CNTNAP2: variants seen among roughly 807,000 people sequenced by gnomAD.
CNTNAP2 encodes the protein contactin-associated protein-like 2.
A neutral mutation model predicts 155.2 loss-of-function variants in CNTNAP2; 98 were observed. The ratio of observed to expected loss-of-function variants is 0.63; its 90% CI spans 0.54 to 0.75. CNTNAP2 has a LOEUF of 0.75. Ranked by LOEUF, CNTNAP2 falls within the 30% of genes least tolerant of loss-of-function variation. The pLI is 0.00. For synonymous variants in CNTNAP2, 651 were observed against 631.2 expected, an observed-to-expected ratio of 1.03 and a Z score of -0.47; for missense variants, 1,727 against 1,688.1, an observed-to-expected ratio of 1.02 and a Z score of -0.40.
chr7:147,576,216 A>G lies in CNTNAP2; in HGVS notation c.1897+13959A>G, dbSNP rs147775680. 3.7e-3 allele frequency among the ~76,000 whole-genome samples: 561 copies of G among 152,198 alleles called. 1 individual carries two copies. The highest frequency in any genetic ancestry group is 0.012 in the African/African-American group (514 of 41,566). ...CCCAGCAGAGTGTCTGGTATATGTC[A>G]GCACTACTACTGCTGTGAATAGACC... On this transcript the variant is annotated intron_variant, in intron 12 of 23. Coordinates refer to ENST00000361727, the MANE Select transcript of CNTNAP2 (RefSeq NM_014141.6).
chr7:147,586,272 C>T, intron 12 of CNTNAP2, among the ~76,000 whole-genome samples: 1 of 151,838 alleles, frequency 6.6e-6, no homozygotes. Flanking sequence ...TCTTAACAGG[C>T]TTAAAGAATC....
chr7:147,348,463 TAGG>T (rs1255138374), intron 9 of CNTNAP2, among the ~76,000 whole-genome samples: 1 of 151,724 alleles, frequency 6.6e-6, no homozygotes, highest in Non-Finnish European at 1.5e-5. Flanking sequence ...GCACCGTCAG[TAGG>T]AGGCTATTAT....
chr7:148,049,804 A>G (rs1802850983), intron 15 of CNTNAP2, among the ~76,000 whole-genome samples: 1 of 152,178 alleles, frequency 6.6e-6, no homozygotes, highest in Admixed American at 6.5e-5. Flanking sequence ...TGGTTTATGT[A>G]TTTGCTATAT....
At chr7:146,976,885 G>A (rs1389626375) in intron 3 of CNTNAP2, among the ~76,000 whole-genome samples, 1 of 152,192 alleles carries the variant, frequency 6.6e-6, no homozygotes, top group Non-Finnish European at 1.5e-5. Flanking sequence ...AATGGGGCAG[G>A]ACTCCTGGAA....
intron 23 of CNTNAP2, among the ~76,000 whole-genome samples, chr7:148,413,706 T>C (rs943868846): frequency 6.6e-6 from 1 of 152,052 alleles, no homozygotes; most frequent in South Asian, 2.1e-4. Context: ...ATTGGTCTAA[T>C]TGTCCTACCA....
intron 11 of CNTNAP2, among the ~76,000 whole-genome samples, chr7:147,501,510 T>A (rs1798812102): frequency 6.6e-6 from 1 of 152,182 alleles, no homozygotes. Context: ...GACTTACAAC[T>A]TTTTCAATTT....
At chr7:147,283,065 G>T (rs764360884) in intron 8 of CNTNAP2, among the ~76,000 whole-genome samples, 1 of 151,710 alleles carries the variant, frequency 6.6e-6, no homozygotes, top group Non-Finnish European at 1.5e-5. Context: ...GACATTAATG[G>T]CATTGATAGC....
chr7:147,072,485 G>A (rs73154342), intron 4 of CNTNAP2, among the ~76,000 whole-genome samples: 6,206 of 152,264 alleles, frequency 0.041, 198 homozygotes, highest in Non-Finnish European at 0.054. Flanking sequence ...AGGTCTGAAG[G>A]CAGAAAGAGA....
intron 1 of CNTNAP2, among the ~76,000 whole-genome samples, chr7:146,166,015 T>C (rs1798307134): frequency 1.3e-5 from 2 of 152,114 alleles, no homozygotes; most frequent in Non-Finnish European, 2.9e-5. Flanking sequence ...AAATTATAGG[T>C]TTATTTTGTT....
intron 15 of CNTNAP2, chr7:148,014,201 G>C (rs111998713): frequency 6.7e-6 from 1 of 149,940 alleles, no homozygotes; most frequent in South Asian, 2.1e-4. Flanking sequence ...ACCAGCTGGC[G>C]ACCACCCAGT....
intron 1 of CNTNAP2, among the ~76,000 whole-genome samples, chr7:146,423,195 T>G (rs773758256): frequency 6.6e-6 from 1 of 152,156 alleles, no homozygotes; most frequent in Non-Finnish European, 1.5e-5. Flanking sequence ...TGTTCTCTCT[T>G]GGGAAGGAAG....
chr7:146,545,389 CG>C, intron 1 of CNTNAP2, among the ~76,000 whole-genome samples: 1 of 151,438 alleles, frequency 6.6e-6, no homozygotes. Context: ...ATGTGCAGAA[CG>C]TGCAGGTTTG....
At chr7:148,299,297 T>C (rs1211160337) in intron 21 of CNTNAP2, among the ~76,000 whole-genome samples, 3 of 152,132 alleles carry the variant, frequency 2.0e-5, no homozygotes, top group African/African-American at 7.2e-5. Flanking sequence ...GCCCCAACTT[T>C]TTAAAAATAT....
intron 1 of CNTNAP2, among the ~76,000 whole-genome samples, chr7:146,665,024 C>T (rs1269627029): frequency 1.3e-5 from 2 of 152,144 alleles, no homozygotes; most frequent in Non-Finnish European, 2.9e-5. Context: ...TGTTGGCTCA[C>T]TGCAACTTCT....
chr7:148,218,892 C>T (rs143654095), intron 19 of CNTNAP2, among the ~76,000 whole-genome samples: 87 of 150,972 alleles, frequency 5.8e-4, no homozygotes, highest in African/African-American at 2.1e-3. Context: ...AGTCCACTTC[C>T]TCTCTGAAAA....
intron 13 of CNTNAP2, among the ~76,000 whole-genome samples, chr7:147,832,146 TA>T (rs1798557137): frequency 6.8e-6 from 1 of 147,234 alleles, no homozygotes; most frequent in Non-Finnish European, 1.5e-5. Flanking sequence ...TATTTTTAAA[TA>T]AATATATAAT....
chr7:147,858,699 G>A (rs1799085717), intron 13 of CNTNAP2, among the ~76,000 whole-genome samples: 1 of 152,112 alleles, frequency 6.6e-6, no homozygotes, highest in Admixed American at 6.5e-5. Context: ...TGTAGACATA[G>A]CCACACAGGG....
chr7:147,038,442 G>C (rs1176263712), intron 3 of CNTNAP2, among the ~76,000 whole-genome samples: 2 of 152,188 alleles, frequency 1.3e-5, no homozygotes, highest in African/African-American at 2.4e-5. Context: ...TAAGGAAACA[G>C]ATCAAATAAT....
chr7:146,801,342 C>G (rs1376278583), intron 2 of CNTNAP2, among the ~76,000 whole-genome samples: 1 of 152,196 alleles, frequency 6.6e-6, no homozygotes, highest in Non-Finnish European at 1.5e-5. Context: ...CCATCTCCAA[C>G]ATTTGTGGCC....
Sources: gnomAD v4.1 joint callset for allele counts (sites outside exome capture counted in the v4.1 genomes callset) on GRCh38, gnomAD v4.1.1 for gene constraint, MANE v1.5 for transcripts, NCBI Gene and HGNC (gene_info 2026-07-23, HGNC 2026-07-21) for gene names.